Variants in LNPK observed in about 807,000 individuals in gnomAD.
The protein encoded by LNPK is endoplasmic reticulum junction formation protein lunapark.
In LNPK, 29 loss-of-function variants were observed where a neutral mutation model predicts 55.2. That is an observed-to-expected ratio of 0.53 (90% confidence interval 0.39 to 0.72). LNPK has a LOEUF of 0.72. Ranked by LOEUF, LNPK falls within the 30% of genes least tolerant of loss-of-function variation. LNPK has a pLI of 0.00. For synonymous variants in LNPK, 162 were observed against 168.2 expected (o/e 0.96, Z 0.29); for missense variants, 467 against 494.8 (o/e 0.94, Z 0.53).
intron 7 of LNPK, 28 bp from the exon 8 acceptor site, chr2:175,964,451 T>C: frequency 1.9e-6 from 3 of 1,605,014 alleles, no homozygotes; most frequent in Admixed American, 1.7e-5. Flanking sequence ...GTTATTACAG[T>C]GACCTATTAC....
chr2:175,960,041 G>A (rs1249871545), intron 8 of LNPK, among the ~76,000 whole-genome samples: 1 of 152,096 alleles, frequency 6.6e-6, no homozygotes, highest in Non-Finnish European at 1.5e-5. Flanking sequence ...ACCCAACACA[G>A]GAGCACCCAG....
At chr2:175,992,887 G>A (rs939837725) in intron 3 of LNPK, among the ~76,000 whole-genome samples, 7 of 152,046 alleles carry the variant, frequency 4.6e-5, no homozygotes, top group Non-Finnish European at 8.8e-5. Context: ...AAATTTTGTA[G>A]ACTGATAAAA....
At chr2:175,956,781 G>C (rs192412491) in intron 8 of LNPK, among the ~76,000 whole-genome samples, 495 of 152,050 alleles carry the variant, frequency 3.3e-3, no homozygotes, top group African/African-American at 0.011. Context: ...AATCCATTGT[G>C]ATAATGGCTC....
At chr2:175,998,168 G>A (rs1688018494) in intron 1 of LNPK, among the ~76,000 whole-genome samples, 9 of 152,158 alleles carry the variant, frequency 5.9e-5, no homozygotes, top group Admixed American at 5.2e-4. Flanking sequence ...AGCAGGCCGG[G>A]TGCGGTGGCT....
At position 175,924,666 on chromosome 2, in the gene LNPK, G is replaced by A. The variant is rs1209162791; in HGVS notation, c.*5301C>T. 6.8e-6 allele frequency: 1 copy of A among 146,070 alleles called. No homozygotes were observed. Among genetic ancestry groups the A allele is most frequent in the East Asian group, 2.0e-4 (1 of 4,988 alleles). 9.0% of individuals were successfully genotyped at this position (146,070 alleles called of 1,614,324 possible). A position where few individuals can be genotyped will look rare whatever the true frequency, so the allele number is the denominator to read the frequency against. Reference sequence around the variant, plus strand: ...GTTGTTAAGGAATACCTGAGGCTGGGTAATTTACTGAAAAAAAAACAAAAC... The same window carrying A: ...GTTGTTAAGGAATACCTGAGGCTGGATAATTTACTGAAAAAAAAACAAAAC... On this transcript the variant is annotated 3_prime_UTR_variant, in exon 13 of 13. Coordinates refer to ENST00000272748, the MANE Select transcript of LNPK (RefSeq NM_030650.3).
At chr2:175,957,320 T>C (rs1685742639) in intron 8 of LNPK, among the ~76,000 whole-genome samples, 1 of 151,930 alleles carries the variant, frequency 6.6e-6, no homozygotes, top group Non-Finnish European at 1.5e-5. Flanking sequence ...ATCACGCCAC[T>C]GCACTCCAGC....
intron 5 of LNPK, among the ~76,000 whole-genome samples, 161 bp from the exon 6 acceptor site, chr2:175,970,965 A>C (rs1212662249): frequency 6.6e-6 from 1 of 152,098 alleles, no homozygotes; most frequent in Non-Finnish European, 1.5e-5. Context: ...CTTCACCCAC[A>C]TATAGTTCAT....
At chr2:175,959,007 A>C in intron 8 of LNPK, among the ~76,000 whole-genome samples, 1 of 152,212 alleles carries the variant, frequency 6.6e-6, no homozygotes, top group East Asian at 1.9e-4. Context: ...TGAAGCAAGA[A>C]GTTTAGAGAG....
chr2:175,938,372 A>G lies in LNPK; in HGVS notation c.824T>C (p.Ile275Thr), dbSNP rs1394945315. The G allele has an allele frequency of 3.8e-6, 6 of 1,595,550 alleles. No homozygotes were observed. Among genetic ancestry groups the G allele is most frequent in the South Asian group, 1.1e-5 (1 of 89,774 alleles). The change falls in exon 11 of 13, where the codon ATA becomes ACA. Residue 275 changes from isoleucine to threonine, a missense_variant. Coordinates refer to ENST00000272748, the MANE Select transcript of LNPK (RefSeq NM_030650.3). ...GDGPQNRYAL[I>T]CQQCFSHNGM... ...ATTATGAGAAAAACACTGCTGACAT[A>G]TAAGTGCATACCTACACCGTAAGGA...
At chr2:175,948,134 A>C (rs1685234201) in intron 8 of LNPK, among the ~76,000 whole-genome samples, 1 of 152,250 alleles carries the variant, frequency 6.6e-6, no homozygotes, top group Non-Finnish European at 1.5e-5. Flanking sequence ...AAAGTAATTA[A>C]TCTAAGTAGT....
Position 175,969,610 on chromosome 2 carries a change from T to C in LNPK, c.357+1154A>G, listed in dbSNP as rs180915882. Among the ~76,000 whole-genome samples the C allele has an allele frequency of 2.6e-5, 4 of 152,332 alleles. No homozygotes were observed. The East Asian group carries it at 7.7e-4, about 29-fold the overall frequency. On this transcript the variant is annotated intron_variant, in intron 6 of 12. Coordinates refer to ENST00000272748, the MANE Select transcript of LNPK (RefSeq NM_030650.3). Reference sequence around the variant, plus strand: ...AGCAGGACTTGTCTCTGATCACCAGTACCAGCTCTTCTTTTTATCTCATCA... The same window carrying C: ...AGCAGGACTTGTCTCTGATCACCAGCACCAGCTCTTCTTTTTATCTCATCA...
chr2:175,928,105 A>AT lies in LNPK; in HGVS notation c.*1861dup, dbSNP rs909837616. ...ATATTCCACAGAGTTTCAGTTTCCTATTTCCTTAATCTATGTATTTATATA... is the reference window on the plus strand; with the variant it reads ...ATATTCCACAGAGTTTCAGTTTCCTATTTTCCTTAATCTATGTATTTATATA... On this transcript the variant is annotated 3_prime_UTR_variant, in exon 13 of 13. Coordinates refer to ENST00000272748, the MANE Select transcript of LNPK (RefSeq NM_030650.3). 1.3e-5 allele frequency: 2 copies of AT among 152,134 alleles called. No homozygotes were observed. Among genetic ancestry groups the AT allele is most frequent in the Non-Finnish European group, 2.9e-5 (2 of 68,018 alleles). The allele number at this position is 152,134 out of a possible 1,614,324, so 9.4% of individuals were successfully genotyped here.
chr2:175,982,920 C>G (rs1027911913), intron 4 of LNPK, among the ~76,000 whole-genome samples: 5 of 152,050 alleles, frequency 3.3e-5, no homozygotes, highest in Non-Finnish European at 7.4e-5. Flanking sequence ...TAAAAATAAT[C>G]CAAACAACAA....
At chr2:175,930,628 C>T (rs1684237545) in intron 12 of LNPK, among the ~76,000 whole-genome samples, 1 of 119,804 alleles carries the variant, frequency 8.3e-6, no homozygotes, top group South Asian at 2.8e-4. Flanking sequence ...GTCCAGGCAA[C>T]CCTGTGAGTA....
chr2:175,958,871 C>G (rs1382639627), intron 8 of LNPK, among the ~76,000 whole-genome samples: 1 of 152,068 alleles, frequency 6.6e-6, no homozygotes, highest in African/African-American at 2.4e-5. Flanking sequence ...ATAGAGAAGA[C>G]CTTAAATGAC....
intron 9 of LNPK, among the ~76,000 whole-genome samples, chr2:175,945,509 A>AG (rs1448024090): frequency 4.7e-4 from 56 of 119,546 alleles, no homozygotes; most frequent in African/African-American, 1.7e-3. Context: ...GTGTCTCAAA[A>AG]GAAAAAAAAA....
intron 7 of LNPK, 24 bp downstream of exon 7, chr2:175,964,482 A>G: frequency 6.3e-7 from 1 of 1,583,748 alleles, no homozygotes; most frequent in Non-Finnish European, 8.7e-7. Context: ...TTATAATAAA[A>G]TAGTAGTGAT....
Position 175,929,164 on chromosome 2 carries a change from A to G in LNPK, c.*803T>C. 1.0e-6 allele frequency: 1 copy of G among 977,334 alleles called. No homozygotes were observed. Among genetic ancestry groups the G allele is most frequent in the Non-Finnish European group, 1.2e-6 (1 of 822,156 alleles). 60.5% of individuals were successfully genotyped at this position (977,334 alleles called of 1,614,324 possible). On this transcript the variant is annotated 3_prime_UTR_variant, in exon 13 of 13. Transcript: ENST00000272748. Reference sequence around the variant, plus strand: ...TTTTCCTTAATAAAATACAAACAAGAGCACAAAATTCACTTATATATCATC... The same window carrying G: ...TTTTCCTTAATAAAATACAAACAAGGGCACAAAATTCACTTATATATCATC...
At chr2:175,942,492 C>T (rs1684900014) in intron 9 of LNPK, among the ~76,000 whole-genome samples, 1 of 152,004 alleles carries the variant, frequency 6.6e-6, no homozygotes, top group African/African-American at 2.4e-5. Context: ...TGTATGTTTT[C>T]TAACAAAATA....
Sources: gnomAD v4.1 joint callset for allele counts (sites outside exome capture counted in the v4.1 genomes callset) on GRCh38, gnomAD v4.1.1 for gene constraint, MANE v1.5 for transcripts, NCBI Gene and HGNC (gene_info 2026-07-23, HGNC 2026-07-21) for gene names.